Variants in ZBTB16 observed in about 807,000 individuals in gnomAD.
The protein encoded by ZBTB16 is zinc finger and BTB domain-containing protein 16.
Under a neutral mutation model 56.8 loss-of-function variants are expected in ZBTB16, and 8 were observed. The ratio of observed to expected loss-of-function variants is 0.14; its 90% CI spans 0.08 to 0.25. The LOEUF (loss-of-function observed/expected upper bound fraction) is 0.25. Among genes scored for constraint, ZBTB16 ranks in the 10% least tolerant of loss-of-function variants. ZBTB16 has a pLI of 1.00. For missense variants in ZBTB16, 625 were observed against 903.0 expected (o/e 0.69, Z 3.95); for synonymous variants, 363 against 368.5 (o/e 0.98, Z 0.17).
rs757995457 is a variant in ZBTB16 at position 114,063,166 on chromosome 11, T to C, written c.-90-45T>C. 5.1e-6 allele frequency: 5 copies of C among 982,906 alleles called. No individual in the cohort carries two copies. Among genetic ancestry groups the C allele is most frequent in the Admixed American group, 4.3e-5 (2 of 46,316 alleles). The allele number at this position is 982,906 out of a possible 1,614,324, so 60.9% of individuals were successfully genotyped here. On this transcript the variant is annotated intron_variant, in intron 1 of 6. Transcript: ENST00000335953. The surrounding 1 kb of genome is among the most constrained non-coding windows in gnomAD (Gnocchi z 6.5). Reference sequence around the variant, plus strand: ...TTAGGGACACTGATGAATTTGTCTTTTGTTCTCTCATCTCTTTTGCTTCTT... The same window carrying C: ...TTAGGGACACTGATGAATTTGTCTTCTGTTCTCTCATCTCTTTTGCTTCTT...
chr11:114,241,013 C>T (rs1357800905), intron 4 of ZBTB16, among the ~76,000 whole-genome samples: 1 of 152,168 alleles, frequency 6.6e-6, no homozygotes, highest in Non-Finnish European at 1.5e-5. Flanking sequence ...GGCCATGTTT[C>T]CTCCTGGCCC....
intron 4 of ZBTB16, among the ~76,000 whole-genome samples, chr11:114,230,561 C>A (rs1252763777): frequency 6.9e-6 from 1 of 144,174 alleles, no homozygotes; most frequent in East Asian, 2.0e-4. Flanking sequence ...ACTCTCAGGC[C>A]CACAGCCCTC....
In ZBTB16 at chr11:114,216,982, G is replaced by A. The variant is rs141172291; in HGVS notation, c.1454-25185G>A. Reference sequence around the variant, plus strand: ...GATACTGTGGTAGCCCAGAGGAAGGGTGCTCAGCAGATACCCAGGGGACAG... The same window carrying A: ...GATACTGTGGTAGCCCAGAGGAAGGATGCTCAGCAGATACCCAGGGGACAG... On this transcript the variant is annotated intron_variant, in intron 4 of 6. Transcript: ENST00000335953. Among the ~76,000 whole-genome samples, 739 of 152,306 alleles carry A rather than the reference G, an allele frequency of 4.9e-3. 3 individuals are homozygous for A. The highest frequency in any genetic ancestry group is 0.017 in the African/African-American group (714 of 41,554).
chr11:114,135,315 C>T (rs1455176153), intron 2 of ZBTB16, among the ~76,000 whole-genome samples: 1 of 152,160 alleles, frequency 6.6e-6, no homozygotes, highest in Non-Finnish European at 1.5e-5. Context: ...AATAGTGACT[C>T]CCTAAAGATG....
intron 2 of ZBTB16, among the ~76,000 whole-genome samples, chr11:114,070,669 C>A (rs971755292): frequency 5.3e-5 from 8 of 152,168 alleles, no homozygotes; most frequent in East Asian, 1.9e-4. Context: ...ATCCATCTGA[C>A]CTAGTCTTTG....
At chr11:114,238,047 T>C (rs1745399415) in intron 4 of ZBTB16, among the ~76,000 whole-genome samples, 1 of 152,144 alleles carries the variant, frequency 6.6e-6, no homozygotes, top group South Asian at 2.1e-4. Context: ...CTGGTGACCA[T>C]ATGACTTCCA....
chr11:114,092,543 C>A (rs1431477097), intron 2 of ZBTB16, among the ~76,000 whole-genome samples: 1 of 152,206 alleles, frequency 6.6e-6, no homozygotes, highest in Admixed American at 6.5e-5. Context: ...TCTGCTCCCC[C>A]TCCTTTTCTC....
intron 4 of ZBTB16, among the ~76,000 whole-genome samples, chr11:114,190,378 C>T (rs771438497): frequency 6.6e-6 from 1 of 152,160 alleles, no homozygotes; most frequent in Non-Finnish European, 1.5e-5. Context: ...ATAGCTTAGC[C>T]TAGCCTACCT....
At chr11:114,193,589 A>G (rs1038206409) in intron 4 of ZBTB16, among the ~76,000 whole-genome samples, 3 of 152,182 alleles carry the variant, frequency 2.0e-5, no homozygotes, top group Non-Finnish European at 2.9e-5. Context: ...CTAATAATCA[A>G]TGAGAGAATA....
chr11:114,185,586 A>G (rs1943342179), intron 3 of ZBTB16, among the ~76,000 whole-genome samples: 1 of 152,210 alleles, frequency 6.6e-6, no homozygotes, highest in South Asian at 2.1e-4. Context: ...AGGAACCTGC[A>G]TCTGTTGAGT....
intron 2 of ZBTB16, among the ~76,000 whole-genome samples, chr11:114,087,835 G>T (rs1260520253): frequency 2.6e-5 from 4 of 152,112 alleles, no homozygotes; most frequent in Non-Finnish European, 5.9e-5. Flanking sequence ...ATATTTCTTA[G>T]AATGTACACC....
chr11:114,077,008 T>C (rs1259851697), intron 2 of ZBTB16, among the ~76,000 whole-genome samples: 1 of 152,226 alleles, frequency 6.6e-6, no homozygotes, highest in Non-Finnish European at 1.5e-5. Context: ...CATCCCCTGT[T>C]GCAAAAGTGA....
intron 4 of ZBTB16, chr11:114,209,842 C>T (rs1943959703): frequency 1.0e-5 from 10 of 985,402 alleles, no homozygotes; most frequent in Non-Finnish European, 1.2e-5. Flanking sequence ...TTCTGGCATC[C>T]TGCTGTGGGT....
At chr11:114,066,768 A>ATTTTTTT (rs11371325) in intron 2 of ZBTB16, among the ~76,000 whole-genome samples, 2 of 111,444 alleles carry the variant, frequency 1.8e-5, no homozygotes, top group African/African-American at 3.5e-5. Flanking sequence ...CACTCACTAC[A>ATTTTTTT]TTTTTTTTTT....
intron 2 of ZBTB16, among the ~76,000 whole-genome samples, chr11:114,099,355 A>C (rs200768356): frequency 6.6e-6 from 1 of 152,200 alleles, no homozygotes; most frequent in East Asian, 1.9e-4. Flanking sequence ...ATATAAAATA[A>C]ATCTATTTTA....
chr11:114,233,392 G>C (rs1008648264), intron 4 of ZBTB16, among the ~76,000 whole-genome samples: 3 of 151,962 alleles, frequency 2.0e-5, no homozygotes, highest in Non-Finnish European at 4.4e-5. Flanking sequence ...TGTTGCTGTC[G>C]GTGTGGCACT....
At position 114,064,573 on chromosome 11, in the gene ZBTB16, G is replaced by A; in HGVS notation, c.1268+5G>A. The A allele has an allele frequency of 6.2e-7, 1 of 1,613,380 alleles. No individual in the cohort carries two copies. ...CGAGGCTGTGGAGCAGCACAGGTAG[G>A]CCCCGCTCCAGCCCCGCACCTGATG... is the stretch of plus-strand genomic sequence containing the variant. On this transcript the variant is annotated splice_donor_5th_base_variant and intron_variant, in intron 2 of 6. Coordinates refer to ENST00000335953, the MANE Select transcript of ZBTB16 (RefSeq NM_006006.6). This position sits in a 1 kb window ranked among gnomAD's most constrained non-coding sequence, Gnocchi z 4.2.
rs1939017693 is a variant in ZBTB16 at position 114,064,222 on chromosome 11, C to T, written c.922C>T (p.Pro308Ser). 1 of 1,613,876 alleles carries T rather than the reference C, an allele frequency of 6.2e-7. No individual in the cohort carries two copies. The highest frequency in any genetic ancestry group is 8.5e-7 in the Non-Finnish European group (1 of 1,180,020). Residue 308 changes from proline to serine, a missense_variant, in exon 2 of 7, where the codon CCC becomes TCC. Coordinates refer to ENST00000335953, the MANE Select transcript of ZBTB16 (RefSeq NM_006006.6). This position sits in a 1 kb window ranked among gnomAD's most constrained non-coding sequence, Gnocchi z 4.2. ...GREESAEQVP[P>S]PAEAGQAPTG... The stretch of plus-strand genomic sequence containing the variant: ...AGAGGAGAGTGCCGAGCAGGTGCCA[C>T]CCCCAGCTGAGGCTGGCCAGGCCCC...
chr11:114,078,329 A>G (rs1040282958), intron 2 of ZBTB16, among the ~76,000 whole-genome samples: 2 of 152,146 alleles, frequency 1.3e-5, no homozygotes, highest in African/African-American at 4.8e-5. Context: ...CCACCCCTAC[A>G]AGTTGTTGGC....
Sources: allele counts gnomAD v4.1 joint callset (sites outside exome capture counted in the v4.1 genomes callset), GRCh38; gene constraint gnomAD v4.1.1; non-coding constraint Gnocchi (gnomAD v3.1); transcripts MANE v1.5; gene names NCBI Gene and HGNC (gene_info 2026-07-23, HGNC 2026-07-21).